The following MAP2K6 variants were observed in gnomAD, a reference collection of about 807,000 sequenced individuals.
The protein encoded by MAP2K6 is mitogen-activated protein kinase kinase 6.
A neutral mutation model predicts 53.7 loss-of-function variants in MAP2K6; 16 were observed. The ratio of observed to expected loss-of-function variants is 0.30; its 90% CI spans 0.20 to 0.45. MAP2K6 has a LOEUF of 0.45. MAP2K6 is among the 20% of genes least tolerant of loss of function. The pLI is 1.00. For missense variants in MAP2K6, 204 were observed against 411.9 expected, an observed-to-expected ratio of 0.50 and a Z score of 4.37; for synonymous variants, 132 against 143.1, an observed-to-expected ratio of 0.92 and a Z score of 0.55.
intron 1 of MAP2K6, among the ~76,000 whole-genome samples, chr17:69,503,973 C>T (rs985477631): frequency 6.6e-5 from 10 of 152,164 alleles, no homozygotes; most frequent in Non-Finnish European, 1.0e-4. Context: ...ATCCCGGGTA[C>T]GTCTCACCTG....
chr17:69,446,427 T>C (rs1473162377), intron 1 of MAP2K6, among the ~76,000 whole-genome samples: 1 of 152,206 alleles, frequency 6.6e-6, no homozygotes, highest in East Asian at 1.9e-4. Context: ...TCAGGCTAAA[T>C]CAGAAGTAGG....
intron 1 of MAP2K6, among the ~76,000 whole-genome samples, chr17:69,430,797 C>T (rs1295146177): frequency 6.6e-6 from 1 of 152,190 alleles, no homozygotes; most frequent in Non-Finnish European, 1.5e-5. Flanking sequence ...AGGGAGCACG[C>T]AGTCTAATGT....
rs576421480 is a variant in MAP2K6, at chr17:69,549,930, G to C, written c.*8177G>C. ...GAAGAAGTGATAAATGCAAAGGTTG[G>C]TGCTAAATTAGGAACCCCTTGAAGG... On this transcript the variant is annotated 3_prime_UTR_variant, in exon 12 of 12. Coordinates refer to ENST00000590474, the MANE Select transcript of MAP2K6 (RefSeq NM_002758.4). 1 of 152,004 alleles carries C rather than the reference G, an allele frequency of 6.6e-6. No individual in the cohort carries two copies. Among genetic ancestry groups the C allele is most frequent in the South Asian group, 2.1e-4 (1 of 4,824 alleles). 9.4% of individuals were successfully genotyped at this position (152,004 alleles called of 1,614,324 possible).
chr17:69,437,225 GTATGT>G (rs897661765), intron 1 of MAP2K6, among the ~76,000 whole-genome samples: 3 of 152,106 alleles, frequency 2.0e-5, no homozygotes, highest in Non-Finnish European at 4.4e-5. Context: ...CATATATTTT[GTATGT>G]TATGTGTATT....
At chr17:69,530,115 A>ATATC (rs1268956434) in intron 10 of MAP2K6, among the ~76,000 whole-genome samples, 3 of 152,146 alleles carry the variant, frequency 2.0e-5, no homozygotes, top group Non-Finnish European at 4.4e-5. Flanking sequence ...AGTTTGTCTT[A>ATATC]TATCTGGGTA....
At position 69,505,704 on chromosome 17, in the gene MAP2K6, C is replaced by T. The variant is rs545776943; in HGVS notation, c.17-76C>T. On this transcript the variant is annotated intron_variant, in intron 1 of 11. Transcript: ENST00000590474. ...AGCTGCCTGTGCAGGTCAGCTCTTTCCTTTGCCGCAGTCTCTTTCTCTGCT... is the reference window on the plus strand; with the variant it reads ...AGCTGCCTGTGCAGGTCAGCTCTTTTCTTTGCCGCAGTCTCTTTCTCTGCT... 23 of 1,187,116 alleles carry T rather than the reference C, an allele frequency of 1.9e-5. 1 individual carries two copies. The East Asian group carries it at 5.4e-4, about 28-fold the overall frequency. 73.5% of individuals were successfully genotyped at this position (1,187,116 alleles called of 1,614,324 possible).
chr17:69,497,889 G>A (rs116383660), intron 1 of MAP2K6, among the ~76,000 whole-genome samples: 1 of 151,952 alleles, frequency 6.6e-6, no homozygotes, highest in Non-Finnish European at 1.5e-5. Flanking sequence ...AAACCCTCAG[G>A]TACCCTTAAA....
chr17:69,506,937 A>C (rs1909523849), intron 2 of MAP2K6, among the ~76,000 whole-genome samples: 1 of 150,878 alleles, frequency 6.6e-6, no homozygotes, highest in Non-Finnish European at 1.5e-5. Context: ...TGCTGTCAAG[A>C]TTGTTTTCTT....
At chr17:69,485,498 T>C in intron 1 of MAP2K6, 4 of 977,452 alleles carry the variant, frequency 4.1e-6, no homozygotes, top group Non-Finnish European at 4.9e-6. Context: ...AAAATTTCAT[T>C]TGAAACTACG....
chr17:69,533,104 T>C (rs1396521314), intron 10 of MAP2K6, among the ~76,000 whole-genome samples: 1 of 152,076 alleles, frequency 6.6e-6, no homozygotes, highest in Non-Finnish European at 1.5e-5. Context: ...AATTTTTGTA[T>C]TTTTAGTAGA....
intron 1 of MAP2K6, among the ~76,000 whole-genome samples, chr17:69,450,154 T>C (rs1292413491): frequency 6.6e-6 from 1 of 150,518 alleles, no homozygotes. Context: ...TGTTTCACCA[T>C]GTTGGCCAGG....
chr17:69,525,845 A>G (rs985917700), intron 9 of MAP2K6, among the ~76,000 whole-genome samples: 1 of 152,240 alleles, frequency 6.6e-6, no homozygotes, highest in Non-Finnish European at 1.5e-5. Flanking sequence ...TATATCCTCA[A>G]TACATGATAA....
At chr17:69,541,535 T>A (rs1008779028) in intron 11 of MAP2K6, 141 bp from the exon 12 acceptor site, 1 of 504,766 alleles carries the variant, frequency 2.0e-6, no homozygotes, top group East Asian at 3.4e-5. Flanking sequence ...TGTGCTTGAT[T>A]TTGGAAAGGG....
At chr17:69,523,699 G>A in intron 8 of MAP2K6, 58 bp downstream of exon 8, 1 of 1,595,884 alleles carries the variant, frequency 6.3e-7, no homozygotes, top group South Asian at 1.1e-5. Flanking sequence ...ATCATGCTGG[G>A]AAACAAGAAA....
At chr17:69,454,900 A>G (rs746286464) in intron 1 of MAP2K6, among the ~76,000 whole-genome samples, 2 of 152,188 alleles carry the variant, frequency 1.3e-5, no homozygotes, top group Non-Finnish European at 2.9e-5. Flanking sequence ...GCTTACAAAC[A>G]TCGTTCTTTT....
Position 69,468,641 on chromosome 17 carries a change from G to A in MAP2K6, c.17-37139G>A, listed in dbSNP as rs1317329180. Among the ~76,000 whole-genome samples the A allele has an allele frequency of 3.3e-5, 5 of 152,270 alleles. No individual in the cohort carries two copies. The East Asian group carries it at 9.7e-4, about 29-fold the overall frequency. ...ATCGAAGCTGAGTTCGAAAAGGTGCGAAGAAACTAGAAGAGGAATGAAGGG... is the reference window on the plus strand; with the variant it reads ...ATCGAAGCTGAGTTCGAAAAGGTGCAAAGAAACTAGAAGAGGAATGAAGGG... On this transcript the variant is annotated intron_variant, in intron 1 of 11. Transcript: ENST00000590474.
chr17:69,521,654 T>G (rs1910477531), intron 7 of MAP2K6: 1 of 152,194 alleles, frequency 6.6e-6, no homozygotes, highest in South Asian at 2.1e-4. Flanking sequence ...CATCCATCCA[T>G]TCATTCATTT....
In MAP2K6 at chr17:69,528,216, C is replaced by G. The variant is rs139937165; in HGVS notation, c.881+1507C>G. 5.9e-5 allele frequency among the ~76,000 whole-genome samples: 9 copies of G among 151,652 alleles called. No individual in the cohort carries two copies. In the East Asian group the frequency reaches 9.7e-4, roughly 16 times the overall value. On this transcript the variant is annotated intron_variant, in intron 10 of 11. Coordinates refer to ENST00000590474, the MANE Select transcript of MAP2K6 (RefSeq NM_002758.4). ...TTGTGAACCTAAGAGCTCTTCGACTCTTTGTTAGCCCTAGGCCCCTTCTCA... is the reference window on the plus strand; with the variant it reads ...TTGTGAACCTAAGAGCTCTTCGACTGTTTGTTAGCCCTAGGCCCCTTCTCA...
intron 1 of MAP2K6, among the ~76,000 whole-genome samples, chr17:69,496,187 G>A (rs1051648108): frequency 1.8e-4 from 28 of 151,812 alleles, no homozygotes; most frequent in African/African-American, 6.1e-4. Context: ...GGACAGGCTG[G>A]CTCATTCTTC....
Sources: allele counts gnomAD v4.1 joint callset (sites outside exome capture counted in the v4.1 genomes callset), GRCh38; gene constraint gnomAD v4.1.1; transcripts MANE v1.5; gene names NCBI Gene and HGNC (gene_info 2026-07-23, HGNC 2026-07-21).